Variants in PLCB4 observed in about 807,000 individuals in gnomAD.
PLCB4 encodes the protein phospholipase C beta 4.
PLCB4 carries 77 observed loss-of-function variants against 178.8 expected under a neutral mutation model. That is an observed-to-expected ratio of 0.43 (90% CI 0.36 to 0.52). The LOEUF (loss-of-function observed/expected upper bound fraction) is 0.52. PLCB4 is among the 20% of genes least tolerant of loss of function. The probability of loss-of-function intolerance (pLI) is 0.00; values close to 1 mark genes in which losing one functional copy is unlikely to be tolerated. For synonymous variants in PLCB4, 496 were observed against 490.8 expected, an observed-to-expected ratio of 1.01 and a Z score of -0.14; for missense variants, 1,024 against 1,453.4, an observed-to-expected ratio of 0.70 and a Z score of 4.80.
chr20:9,325,219 G>A (rs145513694), intron 4 of PLCB4, among the ~76,000 whole-genome samples: 6 of 152,312 alleles, frequency 3.9e-5, no homozygotes, highest in Admixed American at 2.0e-4. Flanking sequence ...TAAGGGGACA[G>A]CCACATAATG....
At chr20:9,352,339 T>C (rs2034422236) in intron 7 of PLCB4, among the ~76,000 whole-genome samples, 1 of 152,210 alleles carries the variant, frequency 6.6e-6, no homozygotes, top group Admixed American at 6.5e-5. Flanking sequence ...ACAGTATATT[T>C]ATTGTAGTAG....
At chr20:9,321,473 G>A (rs561574141) in intron 4 of PLCB4, among the ~76,000 whole-genome samples, 46 of 152,196 alleles carry the variant, frequency 3.0e-4, no homozygotes, top group East Asian at 1.5e-3. Context: ...TTTACTCACC[G>A]TTTGCATTAC....
chr20:9,180,806 A>G (rs1443763743), intron 2 of PLCB4, among the ~76,000 whole-genome samples: 2 of 152,200 alleles, frequency 1.3e-5, no homozygotes, highest in East Asian at 3.8e-4. Context: ...TCTCATTAGA[A>G]AGGAGTTTGG....
chr20:9,088,906 G>A (rs1410459279), intron 1 of PLCB4, among the ~76,000 whole-genome samples: 5 of 151,774 alleles, frequency 3.3e-5, no homozygotes, highest in African/African-American at 9.7e-5. Context: ...GCATATATAT[G>A]CAGACATATA....
chr20:9,332,639 C>T (rs559739143), intron 4 of PLCB4, among the ~76,000 whole-genome samples: 9 of 152,218 alleles, frequency 5.9e-5, no homozygotes, highest in Non-Finnish European at 1.3e-4. Flanking sequence ...CTTCTCTTAA[C>T]AACTGATACG....
In PLCB4 at chr20:9,137,745, G is replaced by GT. The variant is rs10717027; in HGVS notation, c.-79+41420dup. Among the ~76,000 whole-genome samples, 297 of 139,998 alleles carry GT rather than the reference G, an allele frequency of 2.1e-3. 1 individual carries two copies. The highest frequency in any genetic ancestry group is 3.6e-3 in the Middle Eastern group (1 of 276). 91.8% of individuals were successfully genotyped at this position (139,998 alleles called of 152,430 possible). The stretch of plus-strand genomic sequence containing the variant: ...ATGGGTTATAATTTATTTTTCTCAA[G>GT]TTTTTTTTTTTTTTTTTAAGTTGGT... On this transcript the variant is annotated intron_variant, in intron 2 of 39. Coordinates refer to ENST00000378473, the MANE Select transcript of PLCB4 (RefSeq NM_001377142.1).
rs56785951 is a variant in PLCB4 at position 9,213,128 on chromosome 20, C to CTTTTTTTTTT, written c.-78-4241_-78-4232dup. On this transcript the variant is annotated intron_variant, in intron 2 of 39. Coordinates refer to ENST00000378473, the MANE Select transcript of PLCB4 (RefSeq NM_001377142.1). ...TGCTTGGCTTCTCTCCGTTAGCATA[C>CTTTTTTTTTT]TTTTTTTTTTTTTTTTTTTTTTTTT... 9.5e-4 allele frequency among the ~76,000 whole-genome samples: 34 copies of CTTTTTTTTTT among 35,726 alleles called. 3 individuals are homozygous for CTTTTTTTTTT. The highest frequency in any genetic ancestry group is 2.0e-3 in the African/African-American group (16 of 8,120). 23.4% of individuals were successfully genotyped at this position (35,726 alleles called of 152,430 possible).
intron 10 of PLCB4, 94 bp downstream of exon 10, chr20:9,371,389 A>C (rs1481346434): frequency 1.5e-6 from 1 of 662,524 alleles, no homozygotes; most frequent in Non-Finnish European, 2.6e-6. Flanking sequence ...AAACTGATCT[A>C]AATTAGATTT....
At chr20:9,082,636 A>G (rs1295833004) in intron 1 of PLCB4, among the ~76,000 whole-genome samples, 1 of 152,234 alleles carries the variant, frequency 6.6e-6, no homozygotes. Flanking sequence ...ACAGCTTTTC[A>G]GAAAACACTT....
Position 9,425,118 on chromosome 20 carries a change from G to A in PLCB4, c.2524+1166G>A, listed in dbSNP as rs571320127. Among the ~76,000 whole-genome samples the A allele has an allele frequency of 2.8e-3, 425 of 152,086 alleles. 1 individual carries two copies. Among genetic ancestry groups the A allele is most frequent in the African/African-American group, 9.9e-3 (412 of 41,470 alleles). ...TAATAGAGGTAACAACCCATAAAAA[G>A]CCTGGAAAGGGATGCTGTGAGGCTG... On this transcript the variant is annotated intron_variant, in intron 28 of 39. Transcript: ENST00000378473.
chr20:9,380,650 T>A (rs1301056888), intron 13 of PLCB4, among the ~76,000 whole-genome samples: 1 of 152,244 alleles, frequency 6.6e-6, no homozygotes, highest in Non-Finnish European at 1.5e-5. Flanking sequence ...TAGTCAGGAA[T>A]CGCCTTAGCT....
At chr20:9,275,352 C>T (rs952047982) in intron 3 of PLCB4, among the ~76,000 whole-genome samples, 4 of 152,020 alleles carry the variant, frequency 2.6e-5, no homozygotes, top group African/African-American at 4.8e-5. Context: ...CCACTGGGTC[C>T]CTCCCACAAC....
At chr20:9,135,293 C>A (rs2092359705) in intron 2 of PLCB4, among the ~76,000 whole-genome samples, 1 of 151,964 alleles carries the variant, frequency 6.6e-6, no homozygotes, top group Non-Finnish European at 1.5e-5. Context: ...AACAAACTAA[C>A]CCCCAAACAA....
chr20:9,379,085 G>C (rs1170401604), intron 12 of PLCB4, among the ~76,000 whole-genome samples: 1 of 152,018 alleles, frequency 6.6e-6, no homozygotes, highest in East Asian at 1.9e-4. Context: ...CTTCCATTGA[G>C]GTTTGCTTTA....
chr20:9,441,551 T>C (rs1031872195), intron 30 of PLCB4, among the ~76,000 whole-genome samples: 3 of 152,062 alleles, frequency 2.0e-5, no homozygotes, highest in African/African-American at 7.2e-5. Flanking sequence ...AGCCAGTAAT[T>C]AGAATGTTTT....
At chr20:9,465,914 C>T (rs2043748383) in intron 35 of PLCB4, among the ~76,000 whole-genome samples, 2 of 152,146 alleles carry the variant, frequency 1.3e-5, no homozygotes, top group African/African-American at 4.8e-5. Flanking sequence ...TGACTTTCTT[C>T]ACAGAATTGG....
Position 9,366,111 on chromosome 20 carries a change from A to G in PLCB4, c.503+597A>G, listed in dbSNP as rs367971355. 2.0e-5 allele frequency among the ~76,000 whole-genome samples: 3 copies of G among 152,208 alleles called. No homozygotes were observed. In the East Asian group the frequency reaches 5.8e-4, roughly 29 times the overall value. On this transcript the variant is annotated intron_variant, in intron 9 of 39. Coordinates refer to ENST00000378473, the MANE Select transcript of PLCB4 (RefSeq NM_001377142.1). ...GACAAAGAATAAAAAGGCTTGAGGCAGGGCATGGTGGCTCATACCTGTAAT... is the reference window on the plus strand; with the variant it reads ...GACAAAGAATAAAAAGGCTTGAGGCGGGGCATGGTGGCTCATACCTGTAAT...
chr20:9,314,717 A>G (rs1466300447), intron 4 of PLCB4, among the ~76,000 whole-genome samples: 2 of 152,140 alleles, frequency 1.3e-5, no homozygotes, highest in Admixed American at 1.3e-4. Flanking sequence ...GAGGATGAAC[A>G]CATGGGCGCA....
At chr20:9,239,396 G>A (rs751076472) in intron 3 of PLCB4, among the ~76,000 whole-genome samples, 4 of 152,188 alleles carry the variant, frequency 2.6e-5, no homozygotes, top group Admixed American at 6.6e-5. Flanking sequence ...AGAAAAAGCA[G>A]TATCTTTTCC....
Sources: allele counts gnomAD v4.1 joint callset (sites outside exome capture counted in the v4.1 genomes callset), GRCh38; gene constraint gnomAD v4.1.1; transcripts MANE v1.5; gene names NCBI Gene and HGNC (gene_info 2026-07-23, HGNC 2026-07-21).